Variants in FGD4 observed in about 807,000 individuals in gnomAD.
The protein encoded by FGD4 is FYVE, RhoGEF and PH domain containing 4.
FGD4 carries 42 observed loss-of-function variants against 102.0 expected under a neutral mutation model. That is an observed-to-expected ratio of 0.41 (90% confidence interval 0.32 to 0.53). FGD4 has a LOEUF of 0.53. Among genes scored for constraint, FGD4 ranks in the 20% least tolerant of loss-of-function variants. The pLI is 0.21. For synonymous variants in FGD4, 380 were observed against 375.7 expected, an observed-to-expected ratio of 1.01 and a Z score of -0.13; for missense variants, 902 against 1,078.2, an observed-to-expected ratio of 0.84 and a Z score of 2.29.
chr12:32,639,048 T>A (rs1293939539), intron 16 of FGD4: 8 of 987,416 alleles, frequency 8.1e-6, no homozygotes, highest in Non-Finnish European at 1.1e-5. Context: ...AAAGATGAGT[T>A]GAATTAGGAA....
chr12:32,623,302 G>A (rs777116730), intron 11 of FGD4, among the ~76,000 whole-genome samples: 4 of 152,074 alleles, frequency 2.6e-5, no homozygotes, highest in Non-Finnish European at 5.9e-5. Flanking sequence ...TGCTTCCAGG[G>A]CAACAGAAAT....
At chr12:32,456,046 C>G (rs992653091) in intron 1 of FGD4, among the ~76,000 whole-genome samples, 2 of 152,096 alleles carry the variant, frequency 1.3e-5, no homozygotes, top group African/African-American at 4.8e-5. Flanking sequence ...TGTGTAAAAC[C>G]CTGCAAGCAT....
At chr12:32,612,264 A>G (rs1949187593) in intron 10 of FGD4, among the ~76,000 whole-genome samples, 1 of 152,192 alleles carries the variant, frequency 6.6e-6, no homozygotes, top group Admixed American at 6.5e-5. Flanking sequence ...AAATGCTCCC[A>G]TTGCTGTAGC....
chr12:32,611,410 G>A (rs1592400990), intron 10 of FGD4, 127 bp downstream of exon 10: 3 of 1,079,840 alleles, frequency 2.8e-6, no homozygotes, highest in East Asian at 2.6e-5. Context: ...GAGGTCAGGA[G>A]TTTGAGACCA....
chr12:32,454,891 G>A (rs1046784558), intron 1 of FGD4, among the ~76,000 whole-genome samples: 1 of 152,124 alleles, frequency 6.6e-6, no homozygotes, highest in Non-Finnish European at 1.5e-5. Context: ...TGGGTGAAGT[G>A]ACAGAATTTT....
intron 1 of FGD4, among the ~76,000 whole-genome samples, chr12:32,497,933 G>A (rs574680284): frequency 2.6e-5 from 4 of 152,262 alleles, no homozygotes; most frequent in Non-Finnish European, 5.9e-5. Flanking sequence ...GACTCAGTGA[G>A]ACTCTCCTCT....
chr12:32,449,277 T>G (rs1942704890), intron 1 of FGD4, among the ~76,000 whole-genome samples: 1 of 152,234 alleles, frequency 6.6e-6, no homozygotes, highest in Admixed American at 6.5e-5. Context: ...ATTGATCCAT[T>G]ATTACCATGT....
At chr12:32,601,031 TTATTCGCCATAA>T (rs1321543828) in intron 5 of FGD4, among the ~76,000 whole-genome samples, 2 of 152,214 alleles carry the variant, frequency 1.3e-5, no homozygotes, top group Admixed American at 1.3e-4. Flanking sequence ...AAAAGGTGAA[TTATTCGCCATAA>T]TATTCCTATG....
chr12:32,523,244 G>A (rs1222102139), intron 1 of FGD4, among the ~76,000 whole-genome samples: 1 of 152,198 alleles, frequency 6.6e-6, no homozygotes, highest in African/African-American at 2.4e-5. Flanking sequence ...TGAGGTTGGG[G>A]AGCATAAATT....
intron 10 of FGD4, among the ~76,000 whole-genome samples, chr12:32,619,116 C>G (rs994418733): frequency 1.2e-4 from 18 of 152,040 alleles, no homozygotes; most frequent in Admixed American, 7.2e-4. Flanking sequence ...ATTTATTGAA[C>G]TAATTTACTT....
At chr12:32,612,447 G>A (rs1211603322) in intron 10 of FGD4, among the ~76,000 whole-genome samples, 1 of 152,204 alleles carries the variant, frequency 6.6e-6, no homozygotes, top group Non-Finnish European at 1.5e-5. Flanking sequence ...GCAGAACTCA[G>A]GCAAAGGAGC....
intron 14 of FGD4, among the ~76,000 whole-genome samples, chr12:32,631,547 C>T (rs1436446140): frequency 7.4e-5 from 11 of 149,648 alleles, no homozygotes; most frequent in Admixed American, 2.7e-4. Flanking sequence ...CTCTGTCACC[C>T]GGGCTGGAGT....
In FGD4 at chr12:32,624,823, T is replaced by C. The variant is rs1592451598; in HGVS notation, c.1954-153T>C. ...ACATCTCTGTGTATACAAATGTGCA[T>C]ATATTGTTGTGTGTGTTTTAATATG... On this transcript the variant is annotated intron_variant, in intron 12 of 16. Transcript: ENST00000534526. The C allele has an allele frequency of 7.1e-6, 5 of 705,590 alleles. No homozygotes were observed. The East Asian group carries it at 1.3e-4, about 19-fold the overall frequency. The allele number at this position is 705,590 out of a possible 1,614,324, so 43.7% of individuals were successfully genotyped here.
At chr12:32,525,592 TC>T (rs1941060659) in intron 1 of FGD4, among the ~76,000 whole-genome samples, 1 of 152,198 alleles carries the variant, frequency 6.6e-6, no homozygotes, top group African/African-American at 2.4e-5. Flanking sequence ...ATCCCTTCAG[TC>T]CCCCACTGCA....
chr12:32,428,154 G>A (rs919407475), intron 1 of FGD4, among the ~76,000 whole-genome samples: 1 of 152,068 alleles, frequency 6.6e-6, no homozygotes, highest in Non-Finnish European at 1.5e-5. Context: ...TTTCTTCATA[G>A]TATCAATGGT....
At chr12:32,498,897 A>G (rs1336894597) in intron 1 of FGD4, among the ~76,000 whole-genome samples, 1 of 152,126 alleles carries the variant, frequency 6.6e-6, no homozygotes, top group East Asian at 1.9e-4. Flanking sequence ...CACCACACCC[A>G]ACAGTTATTA....
intron 2 of FGD4, 50 bp from the exon 3 acceptor site, chr12:32,576,216 T>C (rs751968860): frequency 3.3e-6 from 5 of 1,533,626 alleles, no homozygotes; most frequent in Non-Finnish European, 4.4e-6. Flanking sequence ...ATTTTTATTG[T>C]TATTGAACAA....
At chr12:32,580,616 G>A (rs576416826) in intron 3 of FGD4, among the ~76,000 whole-genome samples, 10 of 152,246 alleles carry the variant, frequency 6.6e-5, no homozygotes, top group Admixed American at 3.3e-4. Flanking sequence ...GGCCGGGCGC[G>A]GTGGCTCATG....
intron 1 of FGD4, among the ~76,000 whole-genome samples, chr12:32,432,051 ATT>A (rs60933809): frequency 8.0e-4 from 86 of 107,714 alleles, no homozygotes; most frequent in African/African-American, 2.4e-3. Flanking sequence ...TAATCCTAGC[ATT>A]TTTTTTTTTT....
Sources: allele counts gnomAD v4.1 joint callset (sites outside exome capture counted in the v4.1 genomes callset), GRCh38; gene constraint gnomAD v4.1.1; transcripts MANE v1.5; gene names NCBI Gene and HGNC (gene_info 2026-07-23, HGNC 2026-07-21).